The following SMYD3 variants were observed in gnomAD, a reference collection of about 807,000 sequenced individuals.
SMYD3 encodes histone-lysine N-methyltransferase SMYD3.
In SMYD3, 36 loss-of-function variants were observed where a neutral mutation model predicts 57.7. That is an observed-to-expected ratio of 0.62 (90% CI 0.48 to 0.82). The LOEUF is 0.82. Ranked by LOEUF, SMYD3 falls within the 40% of genes least tolerant of loss-of-function variation. The pLI is 0.00. For synonymous variants in SMYD3, 211 were observed against 195.0 expected (o/e 1.08, Z -0.68); for missense variants, 515 against 538.8 (o/e 0.96, Z 0.44).
chr1:246,076,574 G>A (rs1028111844), intron 5 of SMYD3, among the ~76,000 whole-genome samples: 3 of 151,962 alleles, frequency 2.0e-5, no homozygotes, highest in African/African-American at 7.3e-5. Flanking sequence ...GTACACTAAT[G>A]CTGATAGCCA....
At chr1:245,980,179 C>A (rs919226165) in intron 5 of SMYD3, among the ~76,000 whole-genome samples, 5 of 152,246 alleles carry the variant, frequency 3.3e-5, no homozygotes, top group African/African-American at 9.6e-5. Context: ...CTATCACAGG[C>A]TGCAGCACTG....
intron 5 of SMYD3, among the ~76,000 whole-genome samples, chr1:246,218,288 G>A (rs965023968): frequency 2.6e-5 from 4 of 152,102 alleles, no homozygotes; most frequent in Admixed American, 1.3e-4. Context: ...TCGTGGGGTG[G>A]AGAGGGAGAT....
intron 1 of SMYD3, among the ~76,000 whole-genome samples, chr1:246,491,016 G>A (rs1320900090): frequency 3.3e-5 from 5 of 152,222 alleles, no homozygotes; most frequent in African/African-American, 1.2e-4. Context: ...AATCTGAAGA[G>A]GCAGGGTTCA....
At chr1:246,247,485 A>T (rs10924616) in intron 5 of SMYD3, among the ~76,000 whole-genome samples, 7,141 of 138,028 alleles carry the variant, frequency 0.052, 602 homozygotes, top group African/African-American at 0.17. Context: ...ATATATATAT[A>T]TTTTTTAACA....
chr1:245,799,296 G>T (rs2047740862), intron 10 of SMYD3, among the ~76,000 whole-genome samples: 1 of 152,168 alleles, frequency 6.6e-6, no homozygotes, highest in Admixed American at 6.5e-5. Flanking sequence ...CAGCAGGAAG[G>T]TCTGCCATGT....
intron 5 of SMYD3, among the ~76,000 whole-genome samples, chr1:245,933,910 C>T (rs1286870826): frequency 1.3e-5 from 2 of 152,192 alleles, no homozygotes; most frequent in East Asian, 1.9e-4. Flanking sequence ...CTGAGTAATT[C>T]TACACCATAA....
Position 245,930,404 on chromosome 1 carries a change from C to T in SMYD3, c.532-467G>A, listed in dbSNP as rs76878259. The T allele has an allele frequency of 5.4e-5, 18 of 335,420 alleles. No homozygotes were observed. The East Asian group carries it at 1.4e-3, about 27-fold the overall frequency. The allele number at this position is 335,420 out of a possible 1,614,324, so 20.8% of individuals were successfully genotyped here. On this transcript the variant is annotated intron_variant, in intron 5 of 11. Coordinates refer to ENST00000490107, the MANE Select transcript of SMYD3 (RefSeq NM_001167740.2). Reference sequence around the variant, plus strand: ...CTTACTCCTACAGAAAGCGAAGTATCCCGTGACTGAGCCTGTCGTCTGATG... The same window carrying T: ...CTTACTCCTACAGAAAGCGAAGTATTCCGTGACTGAGCCTGTCGTCTGATG...
chr1:246,115,198 A>G (rs1385992847), intron 5 of SMYD3, among the ~76,000 whole-genome samples: 2 of 152,228 alleles, frequency 1.3e-5, no homozygotes, highest in Non-Finnish European at 2.9e-5. Flanking sequence ...TAATCAGCCC[A>G]TGCACATGAA....
intron 8 of SMYD3, among the ~76,000 whole-genome samples, chr1:245,904,278 G>A (rs2054399919): frequency 6.6e-6 from 1 of 152,088 alleles, no homozygotes; most frequent in Non-Finnish European, 1.5e-5. Flanking sequence ...TCTCTCATCT[G>A]CCACCATGTA....
intron 5 of SMYD3, among the ~76,000 whole-genome samples, chr1:246,023,740 A>G (rs932359719): frequency 4.6e-5 from 7 of 151,528 alleles, no homozygotes; most frequent in African/African-American, 1.7e-4. Context: ...TGGATTTCCA[A>G]TTTCCAGCTA....
intron 2 of SMYD3, among the ~76,000 whole-genome samples, chr1:246,340,064 T>TA (rs781057099): frequency 2.0e-5 from 3 of 151,988 alleles, no homozygotes; most frequent in Non-Finnish European, 4.4e-5. Context: ...ACCACTGAGT[T>TA]AAACTAAATT....
chr1:246,098,237 T>C (rs907829390), intron 5 of SMYD3, among the ~76,000 whole-genome samples: 1 of 152,184 alleles, frequency 6.6e-6, no homozygotes, highest in African/African-American at 2.4e-5. Context: ...ACTACTAACC[T>C]TCACATTAAT....
intron 1 of SMYD3, among the ~76,000 whole-genome samples, chr1:246,492,519 C>T (rs536711749): frequency 1.3e-5 from 2 of 152,254 alleles, no homozygotes; most frequent in South Asian, 2.1e-4. Flanking sequence ...ACTAGACAGA[C>T]GATTCCCAGA....
At chr1:245,832,205 G>A (rs2049877095) in intron 10 of SMYD3, among the ~76,000 whole-genome samples, 1 of 152,210 alleles carries the variant, frequency 6.6e-6, no homozygotes, top group South Asian at 2.1e-4. Context: ...TATAATGAGT[G>A]TCTCTGGGTT....
At chr1:246,385,908 T>C (rs1374202664) in intron 1 of SMYD3, among the ~76,000 whole-genome samples, 2 of 152,056 alleles carry the variant, frequency 1.3e-5, no homozygotes, top group Non-Finnish European at 1.5e-5. Flanking sequence ...TACACCTTTT[T>C]TTTTTTCCGC....
chr1:246,443,289 C>T (rs148805172), intron 1 of SMYD3, among the ~76,000 whole-genome samples: 485 of 152,252 alleles, frequency 3.2e-3, no homozygotes, highest in African/African-American at 9.6e-3. Context: ...GCAAGTACAG[C>T]GTTACATTCA....
intron 5 of SMYD3, among the ~76,000 whole-genome samples, chr1:246,174,594 A>C (rs1043176779): frequency 5.3e-5 from 8 of 152,138 alleles, no homozygotes; most frequent in African/African-American, 1.2e-4. Flanking sequence ...CTACAGGCAC[A>C]TGCCACCACG....
At chr1:245,898,270 T>C (rs1467453632) in intron 8 of SMYD3, among the ~76,000 whole-genome samples, 1 of 152,214 alleles carries the variant, frequency 6.6e-6, no homozygotes, top group East Asian at 1.9e-4. Flanking sequence ...GAAAATAAAA[T>C]TTATTGCTGT....
chr1:246,404,349 C>G (rs1014470057), intron 1 of SMYD3, among the ~76,000 whole-genome samples: 2 of 152,164 alleles, frequency 1.3e-5, no homozygotes, highest in African/African-American at 4.8e-5. Context: ...ATAATTAGAG[C>G]TTCCTTGAGT....
Sources: gnomAD v4.1 joint callset for allele counts (sites outside exome capture counted in the v4.1 genomes callset) on GRCh38, gnomAD v4.1.1 for gene constraint, MANE v1.5 for transcripts, NCBI Gene and HGNC (gene_info 2026-07-23, HGNC 2026-07-21) for gene names.